Variants in ECPAS observed in about 807,000 individuals in gnomAD.
ECPAS encodes the protein Ecm29 proteasome adaptor and scaffold, also known as proteasome adapter and scaffold protein ECM29.
A neutral mutation model predicts 255.1 loss-of-function variants in ECPAS; 70 were observed. The ratio of observed to expected loss-of-function variants is 0.27; its 90% CI spans 0.23 to 0.33. The LOEUF is 0.33. Ranked by LOEUF, ECPAS falls within the 10% of genes least tolerant of loss-of-function variation. The pLI, the probability that ECPAS is intolerant of heterozygous loss-of-function variation, is 1.00. For synonymous variants in ECPAS, 784 were observed against 775.0 expected, an observed-to-expected ratio of 1.01 and a Z score of -0.19; for missense variants, 1,817 against 2,206.4, an observed-to-expected ratio of 0.82 and a Z score of 3.54.
At chr9:111,476,071 T>G (rs2098295897) in intron 1 of ECPAS, among the ~76,000 whole-genome samples, 1 of 152,198 alleles carries the variant, frequency 6.6e-6, no homozygotes, top group Non-Finnish European at 1.5e-5. Flanking sequence ...ACATGCTGAT[T>G]ATCTGGCCAA....
chr9:111,403,113 G>A (rs776951601), intron 24 of ECPAS, among the ~76,000 whole-genome samples: 5 of 151,898 alleles, frequency 3.3e-5, no homozygotes, highest in Middle Eastern at 3.4e-3. Flanking sequence ...AACACTTTGG[G>A]AGGCCACAGT....
intron 20 of ECPAS, 151 bp downstream of exon 20, chr9:111,413,744 T>C (rs2098198565): frequency 2.2e-6 from 1 of 449,796 alleles, no homozygotes; most frequent in Non-Finnish European, 3.9e-6. Context: ...GTGACCTACA[T>C]GCTTCCCAGT....
intron 4 of ECPAS, among the ~76,000 whole-genome samples, chr9:111,442,977 T>TCGAAATACTACAAAATCTGAAAC (rs2098247920): frequency 6.6e-6 from 1 of 152,162 alleles, no homozygotes; most frequent in African/African-American, 2.4e-5. Context: ...AAATCTGAAA[T>TCGAAATACTACAAAATCTGAAAC]TCGAAATACT....
At chr9:111,435,749 GGCGCACTGCAAGCTCT>G (rs1265588081) in intron 7 of ECPAS, among the ~76,000 whole-genome samples, 1 of 147,912 alleles carries the variant, frequency 6.8e-6, no homozygotes, top group Non-Finnish European at 1.5e-5. Context: ...GCACGATCTC[GGCGCACTGCAAGCTCT>G]GCCTCCTGGG....
At position 111,389,881 on chromosome 9, in the gene ECPAS, G is replaced by A. The variant is rs865951893; in HGVS notation, c.3279+103C>T. ...GGGTTCAGCTTTCTCATCAGGCACAGACTTTCACAAAATGCACTACATACC... is the reference window on the plus strand; with the variant it reads ...GGGTTCAGCTTTCTCATCAGGCACAAACTTTCACAAAATGCACTACATACC... On this transcript the variant is annotated intron_variant, in intron 30 of 49. Transcript: ENST00000684092. 2.3e-5 allele frequency: 26 copies of A among 1,125,898 alleles called. No homozygotes were observed. The Middle Eastern group carries it at 3.7e-3, about 159-fold the overall frequency. The allele number at this position is 1,125,898 out of a possible 1,614,324, so 69.7% of individuals were successfully genotyped here. A position where few individuals can be genotyped will look rare whatever the true frequency, so the allele number is the denominator to read the frequency against.
At chr9:111,387,178 C>T (rs927891342) in intron 31 of ECPAS, among the ~76,000 whole-genome samples, 18 of 151,872 alleles carry the variant, frequency 1.2e-4, no homozygotes, top group Non-Finnish European at 4.4e-5. Flanking sequence ...ATCATCAGTG[C>T]AGTTATTGAG....
Position 111,371,785 on chromosome 9 carries a change from T to C in ECPAS, c.4573A>G (p.Ile1525Val), listed in dbSNP as rs1485684598. The C allele has an allele frequency of 4.3e-6, 7 of 1,613,728 alleles. No individual in the cohort carries two copies. Among genetic ancestry groups the C allele is most frequent in the Non-Finnish European group, 5.1e-6 (6 of 1,179,814 alleles). ...IRLYLQELIT[I>V]TQKALQSQSW... Reference sequence around the variant, plus strand: ...TGAGACTGCAAAGCCTTCTGGGTAATAGTAATTAACTCCTGCAGGTATAAT... The same window carrying C: ...TGAGACTGCAAAGCCTTCTGGGTAACAGTAATTAACTCCTGCAGGTATAAT... Residue 1525 changes from isoleucine (I) to valine (V), a missense_variant, in exon 43 of 50, where the codon ATT becomes GTT. Transcript: ENST00000684092.
chr9:111,390,932 G>A (rs1445971965), intron 29 of ECPAS, among the ~76,000 whole-genome samples: 1 of 152,224 alleles, frequency 6.6e-6, no homozygotes, highest in Non-Finnish European at 1.5e-5. Flanking sequence ...GCAGGACTCA[G>A]CTGCCTGAGA....
Position 111,397,080 on chromosome 9 carries a change from G to A in ECPAS, c.2726C>T (p.Ala909Val). 1 of 1,613,942 alleles carries A rather than the reference G, an allele frequency of 6.2e-7. No homozygotes were observed. Among genetic ancestry groups the A allele is most frequent in the Non-Finnish European group, 8.5e-7 (1 of 1,179,826 alleles). ...AGTCATTTGCCAGGCATCTCGGGCA[G>A]CCACAGAACTAGTTCCTATTGCAGC... is the stretch of plus-strand genomic sequence containing the variant. ...TSAAIGTSSV[A>V]ARDAWQMTEE... Residue 909 changes from alanine (A) to valine (V), a missense_variant, in exon 25 of 50, where the codon GCT (alanine) becomes GTT (valine). Coordinates refer to ENST00000684092, the MANE Select transcript of ECPAS (RefSeq NM_001364929.1).
At chr9:111,472,840 T>C in intron 2 of ECPAS, 57 bp downstream of exon 2, 1 of 561,920 alleles carries the variant, frequency 1.8e-6, no homozygotes. Flanking sequence ...AACCTATGCA[T>C]TTTTAAATGC....
At chr9:111,418,154 A>C in intron 16 of ECPAS, 148 bp from the exon 17 acceptor site, 1 of 678,242 alleles carries the variant, frequency 1.5e-6, no homozygotes, top group Non-Finnish European at 2.3e-6. Context: ...CAGAGTCAAC[A>C]TAACACATTA....
intron 3 of ECPAS, among the ~76,000 whole-genome samples, chr9:111,447,452 A>G (rs1589213565): frequency 6.6e-6 from 1 of 152,180 alleles, no homozygotes; most frequent in African/African-American, 2.4e-5. Context: ...TTAATTTTCT[A>G]GTAGCATTAT....
At chr9:111,481,545 C>T (rs888612457) in intron 1 of ECPAS, among the ~76,000 whole-genome samples, 3 of 152,040 alleles carry the variant, frequency 2.0e-5, no homozygotes, top group Admixed American at 2.0e-4. Context: ...ACAGTGGTTC[C>T]TTAAAAATTT....
At chr9:111,444,972 G>A (rs988055843) in intron 3 of ECPAS, among the ~76,000 whole-genome samples, 9 of 150,192 alleles carry the variant, frequency 6.0e-5, no homozygotes, top group Admixed American at 6.0e-4. Flanking sequence ...GGGATTACAG[G>A]CGTAAGCCAC....
chr9:111,472,874 C>A, intron 2 of ECPAS, 23 bp downstream of exon 2: 2 of 957,094 alleles, frequency 2.1e-6, no homozygotes, highest in South Asian at 1.7e-5. Flanking sequence ...ATGCACACAT[C>A]CTAAGGAACT....
chr9:111,404,283 T>C (rs1035641671), intron 24 of ECPAS, among the ~76,000 whole-genome samples: 3 of 149,430 alleles, frequency 2.0e-5, no homozygotes, highest in African/African-American at 7.6e-5. Flanking sequence ...GTAAATGAAA[T>C]TGAGACTAAA....
chr9:111,434,803 G>A (rs1292355981), intron 7 of ECPAS, among the ~76,000 whole-genome samples: 1 of 151,046 alleles, frequency 6.6e-6, no homozygotes, highest in East Asian at 1.9e-4. Flanking sequence ...TTGCCATGTT[G>A]GTCAGGCTAG....
chr9:111,369,406 C>T (rs1307117941), intron 45 of ECPAS, among the ~76,000 whole-genome samples: 3 of 152,132 alleles, frequency 2.0e-5, no homozygotes, highest in Non-Finnish European at 4.4e-5. Flanking sequence ...CTAAAAAATA[C>T]TGCATATGTA....
At chr9:111,429,127 AT>A (rs138129646) in intron 9 of ECPAS, among the ~76,000 whole-genome samples, 180 of 151,722 alleles carry the variant, frequency 1.2e-3, no homozygotes, top group Non-Finnish European at 1.9e-3. Flanking sequence ...TAACAAGCTC[AT>A]TTTTTTCCCT....
Sources: allele counts gnomAD v4.1 joint callset (sites outside exome capture counted in the v4.1 genomes callset), GRCh38; gene constraint gnomAD v4.1.1; transcripts MANE v1.5; gene names NCBI Gene and HGNC (gene_info 2026-07-23, HGNC 2026-07-21).